The following ZNF354B variants were observed in gnomAD, a reference collection of about 807,000 sequenced individuals.
ZNF354B encodes zinc finger protein 354B.
A neutral mutation model predicts 12.9 loss-of-function variants in ZNF354B; 10 were observed. The ratio of observed to expected loss-of-function variants is 0.77; its 90% CI spans 0.48 to 1.31. ZNF354B has a LOEUF of 1.31. Ranked by LOEUF, ZNF354B falls within the 40% of genes most tolerant of loss-of-function variation. The pLI is 0.00. For missense variants in ZNF354B, 614 were observed against 711.7 expected, an observed-to-expected ratio of 0.86 and a Z score of 1.56; for synonymous variants, 260 against 243.7, an observed-to-expected ratio of 1.07 and a Z score of -0.62.
intron 2 of ZNF354B, among the ~76,000 whole-genome samples, chr5:178,863,798 G>A (rs994932199): frequency 1.3e-5 from 2 of 152,182 alleles, no homozygotes; most frequent in African/African-American, 4.8e-5. Flanking sequence ...CAGTGGTGTT[G>A]ATGCTGACCC....
At chr5:178,881,236 C>T (rs933714025) in intron 4 of ZNF354B, among the ~76,000 whole-genome samples, 2 of 152,044 alleles carry the variant, frequency 1.3e-5, no homozygotes, top group Non-Finnish European at 2.9e-5. Context: ...TTTTGCTTGT[C>T]GCAAGCCTGG....
At position 178,875,622 on chromosome 5, in the gene ZNF354B, A is replaced by T. The variant is rs1581814001; in HGVS notation, c.257-7087A>T. Among the ~76,000 whole-genome samples, 3 of 152,154 alleles carry T rather than the reference A, an allele frequency of 2.0e-5. No homozygotes were observed. In the East Asian group the frequency reaches 5.8e-4, roughly 29 times the overall value. On this transcript the variant is annotated intron_variant, in intron 4 of 4. Transcript: ENST00000322434. ...CCTCTGTCAGCTCCACCTCAGAAACATGGAGCCACTGCTACTGGGAATCTT... is the reference window on the plus strand; with the variant it reads ...CCTCTGTCAGCTCCACCTCAGAAACTTGGAGCCACTGCTACTGGGAATCTT...
intron 2 of ZNF354B, among the ~76,000 whole-genome samples, chr5:178,864,332 C>T (rs185107030): frequency 7.2e-5 from 11 of 152,244 alleles, no homozygotes; most frequent in Admixed American, 2.0e-4. Context: ...GTATTCAGTA[C>T]GGTAACATGC....
At chr5:178,877,698 C>T (rs567780398) in intron 4 of ZNF354B, among the ~76,000 whole-genome samples, 1 of 152,308 alleles carries the variant, frequency 6.6e-6, no homozygotes, top group South Asian at 2.1e-4. Context: ...ACTTTGGCCA[C>T]CAAAGGCCAC....
chr5:178,882,778 A>G lies in ZNF354B; in HGVS notation c.326A>G (p.Lys109Arg). The G allele has an allele frequency of 6.3e-7, 1 of 1,591,766 alleles. No individual in the cohort carries two copies. Among genetic ancestry groups the G allele is most frequent in the Non-Finnish European group, 8.5e-7 (1 of 1,174,704 alleles). The change falls in exon 5 of 5, where the codon AAA becomes AGA. Residue 109 changes from lysine (K) to arginine (R), a missense_variant. Transcript: ENST00000322434. ...TQDSFQEQIRKRLKRDEPWNF... is the reference protein window; with the variant it reads ...TQDSFQEQIRRRLKRDEPWNF... ...GATTCATTTCAGGAGCAGATAAGGAAAAGATTGAAAAGGGATGAACCCTGG... is the reference window on the plus strand; with the variant it reads ...GATTCATTTCAGGAGCAGATAAGGAGAAGATTGAAAAGGGATGAACCCTGG...
chr5:178,876,748 C>A (rs1159707757), intron 4 of ZNF354B, among the ~76,000 whole-genome samples: 1 of 151,920 alleles, frequency 6.6e-6, no homozygotes, highest in African/African-American at 2.4e-5. Flanking sequence ...TTTTTGTTTT[C>A]TTTTTATTGA....
intron 4 of ZNF354B, among the ~76,000 whole-genome samples, chr5:178,873,082 C>G (rs1202532311): frequency 6.6e-6 from 1 of 152,160 alleles, no homozygotes; most frequent in African/African-American, 2.4e-5. Flanking sequence ...GTCACCACAC[C>G]TGGCCTGTGT....
At chr5:178,877,618 G>A (rs948031549) in intron 4 of ZNF354B, among the ~76,000 whole-genome samples, 4 of 152,202 alleles carry the variant, frequency 2.6e-5, no homozygotes, top group African/African-American at 7.2e-5. Flanking sequence ...TTGCACCTCC[G>A]TGATTCAAAG....
intron 2 of ZNF354B, among the ~76,000 whole-genome samples, chr5:178,864,618 G>A (rs1018516909): frequency 6.6e-6 from 1 of 151,752 alleles, no homozygotes; most frequent in Non-Finnish European, 1.5e-5. Context: ...TTTTATGTAT[G>A]TAGAAATTTT....
At chr5:178,874,406 A>G (rs1757607034) in intron 4 of ZNF354B, among the ~76,000 whole-genome samples, 1 of 152,142 alleles carries the variant, frequency 6.6e-6, no homozygotes, top group African/African-American at 2.4e-5. Context: ...CTCTTTACAT[A>G]ATCCCTTATT....
intron 4 of ZNF354B, among the ~76,000 whole-genome samples, chr5:178,875,753 A>G (rs1279851509): frequency 6.6e-6 from 1 of 152,160 alleles, no homozygotes; most frequent in East Asian, 1.9e-4. Context: ...GCTCCTGTCC[A>G]TATGGTGACT....
intron 2 of ZNF354B, among the ~76,000 whole-genome samples, chr5:178,863,097 C>T (rs1460540847): frequency 6.6e-6 from 1 of 152,132 alleles, no homozygotes; most frequent in Non-Finnish European, 1.5e-5. Flanking sequence ...TTCTAGTCCG[C>T]CAGTCAGATT....
chr5:178,875,637 C>T (rs963152129), intron 4 of ZNF354B, among the ~76,000 whole-genome samples: 1 of 152,184 alleles, frequency 6.6e-6, no homozygotes, highest in Non-Finnish European at 1.5e-5. Flanking sequence ...GCCACTGCTA[C>T]TGGGAATCTT....
intron 4 of ZNF354B, among the ~76,000 whole-genome samples, chr5:178,872,250 A>G (rs1265203136): frequency 1.4e-5 from 2 of 147,528 alleles, no homozygotes; most frequent in Non-Finnish European, 3.0e-5. Context: ...GTACAACGTT[A>G]TGGGATTTTT....
Position 178,867,212 on chromosome 5 carries a change from T to G in ZNF354B, c.256+141T>G, listed in dbSNP as rs188379325. 5.2e-3 allele frequency: 3,930 copies of G among 757,862 alleles called. 186 individuals are homozygous for G. In the Admixed American group the frequency reaches 0.086, roughly 16 times the overall value. The allele number at this position is 757,862 out of a possible 1,614,324, so 46.9% of individuals were successfully genotyped here. On this transcript the variant is annotated intron_variant, in intron 4 of 4. Coordinates refer to ENST00000322434, the MANE Select transcript of ZNF354B (RefSeq NM_058230.3). ...GGTGGGGAAGCGGAAGCCCAGGCTC[T>G]TAGGCAGGATTAGTCACTTGTAATC...
In ZNF354B at chr5:178,882,952, T is replaced by G. The variant is rs770785116; in HGVS notation, c.500T>G (p.Phe167Cys). The change falls in exon 5 of 5, where the codon TTC (phenylalanine) becomes TGC (cysteine). Residue 167 changes from phenylalanine to cysteine, a missense_variant. Coordinates refer to ENST00000322434, the MANE Select transcript of ZNF354B (RefSeq NM_058230.3). ...SHKNVEFGQNFYLKSVFIKQQ... is the reference protein window; with the variant it reads ...SHKNVEFGQNCYLKSVFIKQQ... Reference sequence around the variant, plus strand: ...AAAAATGTTGAATTTGGCCAAAACTTCTACCTGAAATCAGTCTTCATTAAG... The same window carrying G: ...AAAAATGTTGAATTTGGCCAAAACTGCTACCTGAAATCAGTCTTCATTAAG... 37 of 1,603,608 alleles carry G rather than the reference T, an allele frequency of 2.3e-5. No individual in the cohort carries two copies. Among genetic ancestry groups the G allele is most frequent in the Non-Finnish European group, 3.1e-5 (37 of 1,177,508 alleles).
intron 1 of ZNF354B, among the ~76,000 whole-genome samples, 186 bp downstream of exon 1, chr5:178,860,313 C>CGGA: frequency 1.3e-5 from 2 of 151,894 alleles, no homozygotes; most frequent in Non-Finnish European, 1.5e-5. Flanking sequence ...GACGCCCCTG[C>CGGA]CTCTGGCTCG....
intron 4 of ZNF354B, among the ~76,000 whole-genome samples, chr5:178,878,208 C>G (rs1163205523): frequency 6.6e-6 from 1 of 151,678 alleles, no homozygotes; most frequent in Non-Finnish European, 1.5e-5. Context: ...ATGGTGAAAC[C>G]CCGTCTCTAC....
chr5:178,862,125 G>C (rs1277473800), intron 2 of ZNF354B, among the ~76,000 whole-genome samples: 1 of 152,000 alleles, frequency 6.6e-6, no homozygotes, highest in Non-Finnish European at 1.5e-5. Context: ...AGCATACCAG[G>C]GAATGGGCTG....
Sources: allele counts gnomAD v4.1 joint callset (sites outside exome capture counted in the v4.1 genomes callset), GRCh38; gene constraint gnomAD v4.1.1; transcripts MANE v1.5; gene names NCBI Gene and HGNC (gene_info 2026-07-23, HGNC 2026-07-21).